ARHGAP18: variants seen among roughly 807,000 people sequenced by gnomAD.
ARHGAP18 encodes rho GTPase-activating protein 18.
In ARHGAP18, 67 loss-of-function variants were observed where a neutral mutation model predicts 86.2. The ratio of observed to expected loss-of-function variants is 0.78; its 90% CI spans 0.64 to 0.95. ARHGAP18 has a LOEUF of 0.95. Ranked by LOEUF, ARHGAP18 falls within the 40% of genes least tolerant of loss-of-function variation. ARHGAP18 has a pLI of 0.00. For synonymous variants in ARHGAP18, 283 were observed against 280.4 expected (o/e 1.01, Z -0.09); for missense variants, 691 against 780.4 (o/e 0.89, Z 1.37).
chr6:129,609,232 G>A (rs557593234), intron 8 of ARHGAP18, among the ~76,000 whole-genome samples: 47 of 152,128 alleles, frequency 3.1e-4, no homozygotes, highest in Middle Eastern at 3.4e-3. Flanking sequence ...GGGCCAGGGG[G>A]AAAAGAGACA....
intron 1 of ARHGAP18, among the ~76,000 whole-genome samples, chr6:129,663,406 A>G (rs1205515950): frequency 6.6e-6 from 1 of 152,240 alleles, no homozygotes; most frequent in Non-Finnish European, 1.5e-5. Flanking sequence ...AAGATAAAAA[A>G]CAAGGTTCAA....
At chr6:129,673,545 T>C (rs1467780827) in intron 1 of ARHGAP18, among the ~76,000 whole-genome samples, 1 of 152,240 alleles carries the variant, frequency 6.6e-6, no homozygotes, top group Non-Finnish European at 1.5e-5. Context: ...CAATGATTCA[T>C]ACATTTTTAA....
intron 14 of ARHGAP18, 140 bp from the exon 15 acceptor site, chr6:129,578,744 G>A: frequency 3.5e-6 from 2 of 570,546 alleles, no homozygotes; most frequent in Admixed American, 6.3e-5. Flanking sequence ...TGGGCAGATT[G>A]GTTGAGATCA....
At chr6:129,672,155 T>C (rs542845964) in intron 1 of ARHGAP18, among the ~76,000 whole-genome samples, 5 of 152,172 alleles carry the variant, frequency 3.3e-5, no homozygotes, top group Non-Finnish European at 7.4e-5. Context: ...TTTTCATCTA[T>C]GTCCTCTGCA....
At chr6:129,627,849 A>C (rs749688900) in intron 5 of ARHGAP18, among the ~76,000 whole-genome samples, 11 of 152,174 alleles carry the variant, frequency 7.2e-5, no homozygotes, top group Non-Finnish European at 1.5e-4. Context: ...AGATATTTGA[A>C]ATTAAAAATT....
intron 1 of ARHGAP18, among the ~76,000 whole-genome samples, chr6:129,667,468 T>A (rs1200270630): frequency 8.1e-5 from 10 of 122,704 alleles, no homozygotes; most frequent in Non-Finnish European, 5.0e-5. Flanking sequence ...GAAAAATATA[T>A]ATGTGTGTGT....
At chr6:129,708,537 A>C (rs1422265788) in intron 1 of ARHGAP18, among the ~76,000 whole-genome samples, 1 of 152,170 alleles carries the variant, frequency 6.6e-6, no homozygotes, top group Admixed American at 6.5e-5. Context: ...CCAAAAACTT[A>C]ACTAATCCCT....
At chr6:129,591,869 T>A (rs1788522766) in intron 12 of ARHGAP18, among the ~76,000 whole-genome samples, 1 of 152,302 alleles carries the variant, frequency 6.6e-6, no homozygotes, top group South Asian at 2.1e-4. Context: ...CAAGGTATCT[T>A]AAACTAAAAT....
intron 7 of ARHGAP18, among the ~76,000 whole-genome samples, chr6:129,611,969 T>C (rs1467568809): frequency 1.3e-5 from 2 of 152,246 alleles, no homozygotes; most frequent in African/African-American, 2.4e-5. Context: ...ATAAATCTTA[T>C]GAAAATCTAG....
intron 1 of ARHGAP18, among the ~76,000 whole-genome samples, chr6:129,675,159 T>C (rs544451622): frequency 3.9e-5 from 6 of 152,230 alleles, no homozygotes; most frequent in South Asian, 2.1e-4. Context: ...TGAAATAACG[T>C]GGCCAATGTC....
chr6:129,646,291 G>A (rs560156754), intron 1 of ARHGAP18, among the ~76,000 whole-genome samples: 20 of 152,152 alleles, frequency 1.3e-4, no homozygotes, highest in Admixed American at 1.2e-3. Context: ...CAATGGCCTT[G>A]CTTGCTTTGT....
At chr6:129,598,983 CCTTTGTTCCCCATTAACAA>C in intron 12 of ARHGAP18, 1 of 314,014 alleles carries the variant, frequency 3.2e-6, no homozygotes, top group Non-Finnish European at 5.8e-6. Context: ...TTGATATCTT[CCTTTGTTCCCCATTAACAA>C]CTCACATGCT....
intron 1 of ARHGAP18, among the ~76,000 whole-genome samples, chr6:129,676,370 A>G (rs9388723): frequency 0.33 from 49,704 of 151,994 alleles, 8,914 homozygotes; most frequent in Middle Eastern, 0.42. Context: ...TAGAACCTAC[A>G]TCACAGGGTC....
chr6:129,660,265 A>G (rs1200727914), intron 1 of ARHGAP18, among the ~76,000 whole-genome samples: 1 of 152,248 alleles, frequency 6.6e-6, no homozygotes, highest in Non-Finnish European at 1.5e-5. Context: ...CCTGGGGCCA[A>G]GATGCTGTGG....
At chr6:129,600,931 T>A in intron 10 of ARHGAP18, 83 bp from the exon 11 acceptor site, 1 of 1,239,100 alleles carries the variant, frequency 8.1e-7, no homozygotes. Context: ...AATTTTTATT[T>A]CATTGAAAAA....
intron 8 of ARHGAP18, among the ~76,000 whole-genome samples, chr6:129,608,313 A>G (rs1207562960): frequency 6.6e-6 from 1 of 152,158 alleles, no homozygotes; most frequent in Non-Finnish European, 1.5e-5. Flanking sequence ...TGGACATTCC[A>G]CAAACTGTAA....
intron 5 of ARHGAP18, among the ~76,000 whole-genome samples, chr6:129,626,105 C>CACAT (rs1425322925): frequency 5.1e-4 from 64 of 124,912 alleles, no homozygotes; most frequent in African/African-American, 1.7e-3. Flanking sequence ...CACACACACA[C>CACAT]ATATATAGAA....
At chr6:129,661,220 GCA>G (rs1325985930) in intron 1 of ARHGAP18, among the ~76,000 whole-genome samples, 2 of 149,854 alleles carry the variant, frequency 1.3e-5, no homozygotes, top group Non-Finnish European at 3.0e-5. Context: ...AGGTGTGGTG[GCA>G]CACACCTGTA....
chr6:129,636,236 A>G (rs774844053), intron 3 of ARHGAP18, among the ~76,000 whole-genome samples: 1 of 152,226 alleles, frequency 6.6e-6, no homozygotes, highest in Non-Finnish European at 1.5e-5. Context: ...AATGACCCCA[A>G]AACTCCTGTA....
Sources: allele counts gnomAD v4.1 joint callset (sites outside exome capture counted in the v4.1 genomes callset), GRCh38; gene constraint gnomAD v4.1.1; transcripts MANE v1.5; gene names NCBI Gene and HGNC (gene_info 2026-07-23, HGNC 2026-07-21).